The following CELA1 variants were observed in gnomAD, a reference collection of about 807,000 sequenced individuals.
The protein encoded by CELA1 is chymotrypsin like elastase 1.
CELA1 carries 28 observed loss-of-function variants against 34.8 expected under a neutral mutation model. That is an observed-to-expected ratio of 0.80 (90% CI 0.60 to 1.10). The LOEUF (loss-of-function observed/expected upper bound fraction) is 1.10, where lower values mean the gene tolerates loss of function less well. Among genes scored for constraint, CELA1 ranks in the 50% least tolerant of loss-of-function variants. The probability of loss-of-function intolerance (pLI) is 0.00; values close to 1 mark genes in which losing one functional copy is unlikely to be tolerated. For synonymous variants in CELA1, 140 were observed against 129.8 expected (o/e 1.08, Z -0.53); for missense variants, 288 against 327.5 (o/e 0.88, Z 0.93).
intron 6 of CELA1, among the ~76,000 whole-genome samples, chr12:51,335,216 T>G (rs562783300): frequency 6.6e-6 from 1 of 152,294 alleles, no homozygotes; most frequent in South Asian, 2.1e-4. Flanking sequence ...TCTGTCTGAC[T>G]CTACAGGATT....
intron 6 of CELA1, among the ~76,000 whole-genome samples, chr12:51,338,214 G>C (rs1231938772): frequency 6.8e-6 from 1 of 147,122 alleles, no homozygotes; most frequent in Non-Finnish European, 1.5e-5. Context: ...CTCCAGTCTG[G>C]GCGACAGAGT....
intron 2 of CELA1, among the ~76,000 whole-genome samples, chr12:51,345,126 A>C (rs1592299731): frequency 7.1e-5 from 2 of 28,166 alleles, no homozygotes; most frequent in South Asian, 1.8e-3. Context: ...ACTCCATCTC[A>C]AAAAAAAAAA....
intron 1 of CELA1, 43 bp from the exon 2 acceptor site, chr12:51,345,920 G>T (rs1179187781): frequency 2.1e-6 from 3 of 1,409,314 alleles, no homozygotes; most frequent in South Asian, 1.2e-5. Context: ...TAAGCATGGG[G>T]TCAGCCAGGG....
chr12:51,336,037 G>A (rs1337384238), intron 6 of CELA1, among the ~76,000 whole-genome samples: 1 of 152,184 alleles, frequency 6.6e-6, no homozygotes, highest in Non-Finnish European at 1.5e-5. Flanking sequence ...AATTGCCAAA[G>A]TGGCCACTTT....
At chr12:51,345,055 G>A (rs1946558257) in intron 2 of CELA1, among the ~76,000 whole-genome samples, 1 of 151,942 alleles carries the variant, frequency 6.6e-6, no homozygotes, top group Non-Finnish European at 1.5e-5. Flanking sequence ...AACCCAGGAG[G>A]CAGAGTTTGC....
intron 4 of CELA1, among the ~76,000 whole-genome samples, chr12:51,341,987 T>C (rs1168919325): frequency 1.3e-5 from 2 of 152,176 alleles, no homozygotes; most frequent in Non-Finnish European, 2.9e-5. Context: ...CAAACCAGCC[T>C]GGATCCAACA....
chr12:51,336,551 C>T (rs758873044), intron 6 of CELA1, among the ~76,000 whole-genome samples: 6 of 152,144 alleles, frequency 3.9e-5, no homozygotes, highest in Non-Finnish European at 1.5e-5. Flanking sequence ...CACTTGAGCC[C>T]GTGAGACAGA....
At position 51,343,763 on chromosome 12, in the gene CELA1, A is replaced by G. The variant is rs1008608255; in HGVS notation, c.190T>C (p.Cys64Arg). The G allele has an allele frequency of 1.4e-5, 22 of 1,593,990 alleles. No homozygotes were observed. The highest frequency in any genetic ancestry group is 4.5e-5 in the East Asian group (2 of 44,816). ...CTTTGTTTTTCTTACTAATCCACGC[A>G]GTGAGCAGCTGTCATCACCCAGTTC... ...RQNWVMTAAH[C>R]VDYQKTFRVV... Residue 64 changes from cysteine (C) to arginine (R), a missense_variant, in exon 3 of 8, where the codon TGC becomes CGC. Transcript: ENST00000293636.
At position 51,329,793 on chromosome 12, in the gene CELA1, T is replaced by G. The variant is rs1050574854; in HGVS notation, c.650A>C (p.Lys217Thr). Residue 217 changes from lysine (K) to threonine (T), a missense_variant, in exon 7 of 8, where the codon AAG becomes ACG. Lys to Thr is a moderately conservative substitution (Grantham distance 78, BLOSUM62 -1). Transcript: ENST00000293636. ...GCTGGTCACTCCATGGACAGAATAC[T>G]TGCCATTCACCAAGCAATGGAGGGG... Reference protein sequence around the residue: ...GGPLHCLVNGKYSVHGVTSFV... With the variant: ...GGPLHCLVNGTYSVHGVTSFV... 1 of 1,611,596 alleles carries G rather than the reference T, an allele frequency of 6.2e-7. No individual in the cohort carries two copies. Among genetic ancestry groups the G allele is most frequent in the African/African-American group, 1.3e-5 (1 of 74,726 alleles).
intron 6 of CELA1, among the ~76,000 whole-genome samples, chr12:51,335,857 TAA>T (rs1367236414): frequency 6.6e-6 from 1 of 152,122 alleles, no homozygotes; most frequent in African/African-American, 2.4e-5. Context: ...GGCTGGTCTC[TAA>T]CTCCTGGGCT....
At chr12:51,342,111 C>T (rs1946539433) in intron 4 of CELA1, among the ~76,000 whole-genome samples, 1 of 152,152 alleles carries the variant, frequency 6.6e-6, no homozygotes, top group Non-Finnish European at 1.5e-5. Context: ...GCGATCTCAG[C>T]TCACTGCACC....
chr12:51,328,854 T>C (rs1341403812), intron 7 of CELA1, among the ~76,000 whole-genome samples: 1 of 152,208 alleles, frequency 6.6e-6, no homozygotes, highest in African/African-American at 2.4e-5. Flanking sequence ...AGAATGTGTT[T>C]GAAGGGTGGA....
chr12:51,331,279 C>T (rs1946468531), intron 6 of CELA1, among the ~76,000 whole-genome samples: 1 of 152,108 alleles, frequency 6.6e-6, no homozygotes, highest in African/African-American at 2.4e-5. Flanking sequence ...ATCCCAGTTA[C>T]TCAGGAGGCT....
chr12:51,343,784 A>T lies in CELA1; in HGVS notation c.169T>A (p.Trp57Arg). ...ACGCAGTGAGCAGCTGTCATCACCC[A>T]GTTCTGTCTGATAAGGGTCCCTCCA... is the stretch of plus-strand genomic sequence containing the variant. ...TCGGTLIRQN[W>R]VMTAAHCVDY... The change falls in exon 3 of 8, where the codon TGG becomes AGG. Residue 57 changes from tryptophan to arginine, a missense_variant. Transcript: ENST00000293636. 6.2e-7 allele frequency: 1 copy of T among 1,610,388 alleles called. No individual in the cohort carries two copies. Among genetic ancestry groups the T allele is most frequent in the Non-Finnish European group, 8.5e-7 (1 of 1,177,144 alleles).
At chr12:51,345,976 G>A in intron 1 of CELA1, 99 bp from the exon 2 acceptor site, 1 of 785,418 alleles carries the variant, frequency 1.3e-6, no homozygotes, top group South Asian at 1.7e-5. Context: ...TGTTAGCCTT[G>A]TCTGCAAATT....
rs566086164 is a variant in CELA1 at position 51,332,686 on chromosome 12, G to A, written c.610-2853C>T. Among the ~76,000 whole-genome samples the A allele has an allele frequency of 3.3e-5, 5 of 151,968 alleles. No homozygotes were observed. The East Asian group carries it at 9.7e-4, about 30-fold the overall frequency. On this transcript the variant is annotated intron_variant, in intron 6 of 7. Transcript: ENST00000293636. ...TTGAGACCAGCCTGGCCAACATAGC[G>A]AAACCCCGACTCTACTAAAAATACA...
intron 5 of CELA1, among the ~76,000 whole-genome samples, chr12:51,340,538 C>T (rs910090104): frequency 2.0e-5 from 3 of 151,952 alleles, no homozygotes; most frequent in South Asian, 2.1e-4. Flanking sequence ...TAAAGGCATG[C>T]ACCACCATGC....
intron 7 of CELA1, among the ~76,000 whole-genome samples, chr12:51,329,284 A>G (rs1292337713): frequency 6.6e-6 from 1 of 151,724 alleles, no homozygotes; most frequent in Non-Finnish European, 1.5e-5. Flanking sequence ...GTTAGAGCAA[A>G]TTATCATAAT....
At chr12:51,331,829 A>G (rs1415166032) in intron 6 of CELA1, among the ~76,000 whole-genome samples, 1 of 152,220 alleles carries the variant, frequency 6.6e-6, no homozygotes, top group Non-Finnish European at 1.5e-5. Flanking sequence ...AAAACTGACT[A>G]TATTAAGCAA....
Sources: gnomAD v4.1 joint callset for allele counts (sites outside exome capture counted in the v4.1 genomes callset) on GRCh38, gnomAD v4.1.1 for gene constraint, MANE v1.5 for transcripts, NCBI Gene and HGNC (gene_info 2026-07-23, HGNC 2026-07-21) for gene names.